QTMAN: variants seen among roughly 807,000 people sequenced by gnomAD.
QTMAN encodes queuosine-tRNA mannosyltransferase.
At chr2:144,145,933 T>C in the QTMAN span, 17 of 149,708 alleles carry the variant, frequency 1.1e-4, no homozygotes, top group African/African-American at 4.6e-4. Context: ...CTTAGAACTA[T>C]AAAGTCCCCG....
At chr2:143,996,247 G>A in the QTMAN span, among the ~76,000 whole-genome samples, 251 of 152,230 alleles carry the variant, frequency 1.6e-3, no homozygotes, top group African/African-American at 5.8e-3. Context: ...TCTGTCCAGC[G>A]AGGAGGAAGA....
chr2:144,075,778 G>A, the QTMAN span, among the ~76,000 whole-genome samples: 1 of 152,238 alleles, frequency 6.6e-6, no homozygotes, highest in South Asian at 2.1e-4. Flanking sequence ...TACTGTTTTC[G>A]GCAAGAGCTC....
At chr2:143,978,081 G>A in the QTMAN span, among the ~76,000 whole-genome samples, 1 of 152,128 alleles carries the variant, frequency 6.6e-6, no homozygotes, top group East Asian at 1.9e-4. Flanking sequence ...CCTTAGCTAT[G>A]TTCCTCTTTC....
At chr2:144,251,364 T>C in the QTMAN span, among the ~76,000 whole-genome samples, 1 of 151,978 alleles carries the variant, frequency 6.6e-6, no homozygotes, top group East Asian at 1.9e-4. Context: ...AGCTCAGAAA[T>C]AGACGCACAC....
At chr2:144,233,674 G>A in the QTMAN span, among the ~76,000 whole-genome samples, 1 of 152,162 alleles carries the variant, frequency 6.6e-6, no homozygotes, top group African/African-American at 2.4e-5. Context: ...TGCACATAGA[G>A]AACAAAGAAT....
chr2:144,231,845 T>G, the QTMAN span, among the ~76,000 whole-genome samples: 2 of 31,628 alleles, frequency 6.3e-5, no homozygotes, highest in African/African-American at 1.7e-4. Context: ...ATGAAAGAGG[T>G]GTGTGTGTGT....
the QTMAN span, among the ~76,000 whole-genome samples, chr2:144,213,341 G>GTATAGA: frequency 6.6e-6 from 1 of 152,042 alleles, no homozygotes; most frequent in Non-Finnish European, 1.5e-5. Context: ...GTTTTTAACA[G>GTATAGA]TATAGATATT....
chr2:144,167,592 T>G, the QTMAN span, among the ~76,000 whole-genome samples: 61 of 152,234 alleles, frequency 4.0e-4, no homozygotes, highest in African/African-American at 1.3e-3. Flanking sequence ...CTGATGGTTT[T>G]ATGAGTATCT....
At chr2:144,118,547 A>G in the QTMAN span, among the ~76,000 whole-genome samples, 13 of 152,194 alleles carry the variant, frequency 8.5e-5, no homozygotes, top group Non-Finnish European at 1.9e-4. Context: ...CAAGTTTGGC[A>G]AAAACTATGC....
At chr2:144,167,525 T>C in the QTMAN span, among the ~76,000 whole-genome samples, 1 of 152,268 alleles carries the variant, frequency 6.6e-6, no homozygotes, top group Non-Finnish European at 1.5e-5. Flanking sequence ...GGTAATTGAA[T>C]CACGGGGATG....
At chr2:144,159,712 T>G in the QTMAN span, among the ~76,000 whole-genome samples, 1 of 152,026 alleles carries the variant, frequency 6.6e-6, no homozygotes, top group African/African-American at 2.4e-5. Context: ...ATCTGTAGTT[T>G]TTCAACAAAG....
chr2:143,967,035 T>A, the QTMAN span, among the ~76,000 whole-genome samples: 1 of 152,198 alleles, frequency 6.6e-6, no homozygotes, highest in Admixed American at 6.5e-5. Context: ...CCTTCTGGCT[T>A]GTATGTGAAA....
chr2:144,133,531 TATATAAAG>T, the QTMAN span, among the ~76,000 whole-genome samples: 3 of 91,226 alleles, frequency 3.3e-5, no homozygotes, highest in Non-Finnish European at 4.1e-5. Flanking sequence ...TAAATAAATA[TATATAAAG>T]ATATAAAGAT....
chr2:144,054,321 T>G, the QTMAN span, among the ~76,000 whole-genome samples: 1 of 152,046 alleles, frequency 6.6e-6, no homozygotes, highest in Non-Finnish European at 1.5e-5. Flanking sequence ...TAAAAATGAT[T>G]ATAAAAAGAG....
chr2:144,145,005 G>A, the QTMAN span, among the ~76,000 whole-genome samples: 2 of 150,266 alleles, frequency 1.3e-5, no homozygotes, highest in African/African-American at 2.4e-5. Context: ...CCTTTAAAAT[G>A]TCATGGTATT....
chr2:144,123,409 G>A, the QTMAN span, among the ~76,000 whole-genome samples: 289 of 152,160 alleles, frequency 1.9e-3, no homozygotes, highest in African/African-American at 6.0e-3. Flanking sequence ...ACATTTGAGC[G>A]TGCTTCAGGC....
chr2:143,974,331 G>A, the QTMAN span, among the ~76,000 whole-genome samples: 1 of 152,094 alleles, frequency 6.6e-6, no homozygotes, highest in African/African-American at 2.4e-5. Flanking sequence ...CCCAAGTATT[G>A]CAATTTAGGA....
the QTMAN span, among the ~76,000 whole-genome samples, chr2:144,058,058 A>G: frequency 6.6e-6 from 1 of 151,606 alleles, no homozygotes; most frequent in Non-Finnish European, 1.5e-5. Flanking sequence ...CATTGCGAAG[A>G]TTGCAAAAAG....
At chr2:144,070,160 A>G in the QTMAN span, among the ~76,000 whole-genome samples, 3 of 152,138 alleles carry the variant, frequency 2.0e-5, no homozygotes, top group Non-Finnish European at 4.4e-5. Flanking sequence ...AAGAACAAAG[A>G]TCCTAATAAA....
Sources: gnomAD v4.1 joint callset for allele counts (sites outside exome capture counted in the v4.1 genomes callset) on GRCh38, gnomAD v4.1.1 for gene constraint, MANE v1.5 for transcripts, NCBI Gene and HGNC (gene_info 2026-07-23, HGNC 2026-07-21) for gene names.